The following SPON1 variants were observed in gnomAD, a reference collection of about 807,000 sequenced individuals.
SPON1 encodes the protein spondin 1, also known as spondin-1.
Under a neutral mutation model 111.7 loss-of-function variants are expected in SPON1, and 52 were observed. The ratio of observed to expected loss-of-function variants is 0.47; its 90% CI spans 0.37 to 0.59. The LOEUF (loss-of-function observed/expected upper bound fraction) is 0.59. Ranked by LOEUF, SPON1 falls within the 20% of genes least tolerant of loss-of-function variation. The pLI is 0.00. For synonymous variants in SPON1, 410 were observed against 395.8 expected, an observed-to-expected ratio of 1.04 and a Z score of -0.43; for missense variants, 957 against 1,068.5, an observed-to-expected ratio of 0.90 and a Z score of 1.46.
At chr11:14,161,193 A>G (rs1228997259) in intron 6 of SPON1, among the ~76,000 whole-genome samples, 172 of 62,378 alleles carry the variant, frequency 2.8e-3, no homozygotes, top group Non-Finnish European at 4.6e-3. Context: ...TTATATATCT[A>G]TATATATTTA....
At chr11:14,173,190 T>C (rs1351168610) in intron 6 of SPON1, among the ~76,000 whole-genome samples, 2 of 151,952 alleles carry the variant, frequency 1.3e-5, no homozygotes, top group Non-Finnish European at 2.9e-5. Context: ...GTTTGTTCGT[T>C]TCTTTTTATT....
chr11:14,134,042 CTTT>C (rs5789824), intron 5 of SPON1, among the ~76,000 whole-genome samples: 2 of 142,028 alleles, frequency 1.4e-5, no homozygotes, highest in African/African-American at 5.2e-5. Context: ...TTCTTTCTTT[CTTT>C]TTTTTTTTTT....
chr11:14,042,728 G>A (rs992716923), intron 3 of SPON1, among the ~76,000 whole-genome samples: 1 of 152,156 alleles, frequency 6.6e-6, no homozygotes. Context: ...CTTAACAACT[G>A]TGGTTAACTC....
At chr11:14,189,413 G>A (rs1296766711) in intron 6 of SPON1, among the ~76,000 whole-genome samples, 1 of 152,050 alleles carries the variant, frequency 6.6e-6, no homozygotes, top group Non-Finnish European at 1.5e-5. Flanking sequence ...CTGCCATCTG[G>A]GTACTACCAG....
At chr11:13,981,395 C>T (rs1452017092) in intron 1 of SPON1, among the ~76,000 whole-genome samples, 4 of 152,082 alleles carry the variant, frequency 2.6e-5, no homozygotes, top group African/African-American at 7.3e-5. Context: ...GGCACAATCG[C>T]GGCTTACTGC....
chr11:14,248,631 T>G, intron 7 of SPON1, among the ~76,000 whole-genome samples: 1 of 152,108 alleles, frequency 6.6e-6, no homozygotes. Context: ...GGAAGTCAAA[T>G]TAGGAAGCCT....
chr11:14,225,605 G>A (rs1286637953), intron 6 of SPON1, among the ~76,000 whole-genome samples: 1 of 152,012 alleles, frequency 6.6e-6, no homozygotes, highest in African/African-American at 2.4e-5. Flanking sequence ...CGTTTTTATT[G>A]TTACAGCTTC....
rs1208128889 is a variant in SPON1 at position 14,259,955 on chromosome 11, G to T, written c.1831+254G>T. The stretch of plus-strand genomic sequence containing the variant: ...GGCAAACTGGTGGCCTCTGGATAGA[G>T]AATTCACCTGCAGCTGTGTTTTATA... On this transcript the variant is annotated intron_variant, in intron 13 of 15. Transcript: ENST00000576479. This position sits in a 1 kb window ranked among gnomAD's most constrained non-coding sequence, Gnocchi z 5.0. 6.6e-6 allele frequency among the ~76,000 whole-genome samples: 1 copy of T among 152,196 alleles called. No individual in the cohort carries two copies. Among genetic ancestry groups the T allele is most frequent in the Non-Finnish European group, 1.5e-5 (1 of 68,022 alleles).
chr11:14,100,952 C>G (rs1226010926), intron 5 of SPON1, among the ~76,000 whole-genome samples: 2 of 152,160 alleles, frequency 1.3e-5, no homozygotes, highest in African/African-American at 2.4e-5. Flanking sequence ...TAATCTCAGT[C>G]TGAATTTGGT....
chr11:14,110,628 G>T (rs1205412345), intron 5 of SPON1, among the ~76,000 whole-genome samples: 1 of 152,160 alleles, frequency 6.6e-6, no homozygotes, highest in East Asian at 1.9e-4. Context: ...CTCATTCTGA[G>T]GTCAAAGGCC....
chr11:14,025,757 T>C (rs1554915237), intron 2 of SPON1, among the ~76,000 whole-genome samples: 1 of 152,106 alleles, frequency 6.6e-6, no homozygotes, highest in African/African-American at 2.4e-5. Flanking sequence ...GGTGAGACCA[T>C]GAGTAGGACT....
chr11:14,144,404 C>A (rs1453575960), intron 6 of SPON1, among the ~76,000 whole-genome samples: 1 of 151,822 alleles, frequency 6.6e-6, no homozygotes, highest in Non-Finnish European at 1.5e-5. Flanking sequence ...CCAAGGCAGG[C>A]AGATCACTTG....
At chr11:14,030,578 G>A (rs1222058930) in intron 2 of SPON1, among the ~76,000 whole-genome samples, 2 of 152,150 alleles carry the variant, frequency 1.3e-5, no homozygotes, top group African/African-American at 4.8e-5. Context: ...TAAGATGGAG[G>A]TAAGAATCCG....
intron 2 of SPON1, among the ~76,000 whole-genome samples, chr11:14,024,811 G>A (rs962237000): frequency 3.3e-5 from 5 of 152,192 alleles, no homozygotes; most frequent in Non-Finnish European, 5.9e-5. Flanking sequence ...CCCTACTTCC[G>A]CATCACTGAG....
At chr11:14,169,611 C>G (rs1215188474) in intron 6 of SPON1, among the ~76,000 whole-genome samples, 5 of 151,608 alleles carry the variant, frequency 3.3e-5, no homozygotes, top group African/African-American at 1.2e-4. Context: ...AGGTTTTCTT[C>G]TAGGGTTTTT....
In SPON1 at chr11:14,260,794, C is replaced by T. The variant is rs782210538; in HGVS notation, c.1996+42C>T. On this transcript the variant is annotated intron_variant, in intron 14 of 15. Coordinates refer to ENST00000576479, the MANE Select transcript of SPON1 (RefSeq NM_006108.4). ...CTCAAGGCCCATCACTTCTATGTTCCTGAGTCCAGGGAGCCCCGAACCAGC... is the reference window on the plus strand; with the variant it reads ...CTCAAGGCCCATCACTTCTATGTTCTTGAGTCCAGGGAGCCCCGAACCAGC... The T allele has an allele frequency of 6.9e-6, 11 of 1,592,198 alleles. No individual in the cohort carries two copies. In the East Asian group the frequency reaches 2.5e-4, roughly 36 times the overall value.
At chr11:14,065,417 G>T (rs1468097663) in intron 3 of SPON1, among the ~76,000 whole-genome samples, 1 of 152,156 alleles carries the variant, frequency 6.6e-6, no homozygotes, top group African/African-American at 2.4e-5. Flanking sequence ...AGGCTGGGGC[G>T]ATTATATGAT....
chr11:14,162,476 C>T (rs1407227816), intron 6 of SPON1, among the ~76,000 whole-genome samples: 1 of 152,096 alleles, frequency 6.6e-6, no homozygotes, highest in Admixed American at 6.5e-5. Flanking sequence ...AATTTATCAC[C>T]CCTGATTTCC....
At chr11:14,063,238 C>T (rs572175870) in intron 3 of SPON1, among the ~76,000 whole-genome samples, 14 of 152,194 alleles carry the variant, frequency 9.2e-5, no homozygotes, top group South Asian at 4.2e-4. Context: ...TTCACACAGA[C>T]GCTCCAGAAT....
Sources: gnomAD v4.1 joint callset for allele counts (sites outside exome capture counted in the v4.1 genomes callset) on GRCh38, gnomAD v4.1.1 for gene constraint, Gnocchi (gnomAD v3.1) non-coding constraint, MANE v1.5 for transcripts, NCBI Gene and HGNC (gene_info 2026-07-23, HGNC 2026-07-21) for gene names.